SCAMP3: variants seen among roughly 807,000 people sequenced by gnomAD.
SCAMP3 encodes the protein secretory carrier-associated membrane protein 3.
In SCAMP3, 30 loss-of-function variants were observed where a neutral mutation model predicts 44.1. The ratio of observed to expected loss-of-function variants is 0.68; its 90% CI spans 0.51 to 0.92. SCAMP3 has a LOEUF of 0.92. Ranked by LOEUF, SCAMP3 falls within the 40% of genes least tolerant of loss-of-function variation. SCAMP3 has a pLI of 0.00. For missense variants in SCAMP3, 394 were observed against 440.0 expected (o/e 0.90, Z 0.93); for synonymous variants, 168 against 171.1 (o/e 0.98, Z 0.14).
intron 8 of SCAMP3, 57 bp downstream of exon 8, chr1:155,256,617 C>T (rs1672805541): frequency 1.1e-5 from 17 of 1,501,442 alleles, no homozygotes; most frequent in Non-Finnish European, 1.4e-5. Context: ...GTTCCACCCA[C>T]GCCCCTGGGG....
rs747700652 is a variant in SCAMP3 at position 155,256,725 on chromosome 1, G to A, written c.846C>T (p.Val282=). Residue 282 remains valine (V), a synonymous_variant, in exon 8 of 9, where the codon GTC becomes GTT. Transcript: ENST00000302631. ...NTAVSVLMLL[V]ALLFTGIAVL... Reference sequence around the variant, plus strand: ...CAGCAATGCCAGTGAAGAGCAGGGCGACCAGCAGCATGAGCACGGATACTG... The same window carrying A: ...CAGCAATGCCAGTGAAGAGCAGGGCAACCAGCAGCATGAGCACGGATACTG... 1.6e-5 allele frequency: 26 copies of A among 1,614,148 alleles called. No homozygotes were observed. Among genetic ancestry groups the A allele is most frequent in the Non-Finnish European group, 1.9e-5 (23 of 1,180,028 alleles).
intron 4 of SCAMP3, among the ~76,000 whole-genome samples, chr1:155,259,166 C>CTTT (rs1165041017): frequency 8.2e-5 from 10 of 121,668 alleles, no homozygotes; most frequent in Non-Finnish European, 1.0e-4. Context: ...CCCACCTCAG[C>CTTT]TTTTTTTTTT....
chr1:155,256,152 G>T lies in SCAMP3; in HGVS notation c.*121C>A. 2 of 1,034,596 alleles carry T rather than the reference G, an allele frequency of 1.9e-6. No individual in the cohort carries two copies. Among genetic ancestry groups the T allele is most frequent in the Non-Finnish European group, 2.8e-6 (2 of 713,676 alleles). 64.1% of individuals were successfully genotyped at this position (1,034,596 alleles called of 1,614,324 possible). On this transcript the variant is annotated 3_prime_UTR_variant, in exon 9 of 9. Transcript: ENST00000302631. ...GTCAGGTTCAGCAGTCATGGCCATA[G>T]GATTGGGAGCACTACGGAGGAGCCA... is the stretch of plus-strand genomic sequence containing the variant.
chr1:155,257,915 G>A (rs1672849369), intron 5 of SCAMP3, among the ~76,000 whole-genome samples: 1 of 152,144 alleles, frequency 6.6e-6, no homozygotes, highest in Admixed American at 6.5e-5. Flanking sequence ...CGCAATCTCA[G>A]CTTACTGCAA....
At chr1:155,259,041 CCT>C (rs1247685045) in intron 4 of SCAMP3, 87 bp from the exon 5 acceptor site, 83 of 998,452 alleles carry the variant, frequency 8.3e-5, no homozygotes, top group South Asian at 2.0e-4. Flanking sequence ...ATCCCTGGAT[CCT>C]CTCTTTTTTT....
chr1:155,257,654 C>T lies in SCAMP3; in HGVS notation c.521G>A (p.Ser174Asn). The T allele has an allele frequency of 1.3e-6, 2 of 1,556,720 alleles. No individual in the cohort carries two copies. The highest frequency in any genetic ancestry group is 1.7e-6 in the Non-Finnish European group (2 of 1,149,874). Residue 174 changes from serine (S) to asparagine (N), a missense_variant, in exon 6 of 9, where the codon AGC becomes AAC. Transcript: ENST00000302631. ...GAAGTTCAGGAGAAGAGCCAGCGTG[C>T]TGCCTAAGGGGCAGAGGGACAGGAT... ...VSTMYYLWMC[S>N]TLALLLNFLA... is the part of the protein sequence containing the mutation.
chr1:155,256,517 C>A, intron 8 of SCAMP3, 98 bp from the exon 9 acceptor site: 1 of 1,399,094 alleles, frequency 7.1e-7, no homozygotes, highest in Admixed American at 1.8e-5. Context: ...TGCTGCCCAG[C>A]ACACACACTC....
At chr1:155,257,967 C>T (rs1439318645) in intron 5 of SCAMP3, among the ~76,000 whole-genome samples, 3 of 151,740 alleles carry the variant, frequency 2.0e-5, no homozygotes, top group Admixed American at 6.6e-5. Context: ...GCCTCAGCCT[C>T]CAGAGTAGCT....
Position 155,262,330 on chromosome 1 carries a change from C to A in SCAMP3, c.-179G>T. The A allele has an allele frequency of 1.6e-6, 1 of 608,226 alleles. No individual in the cohort carries two copies. Among genetic ancestry groups the A allele is most frequent in the South Asian group, 2.0e-5 (1 of 49,302 alleles). 37.7% of individuals were successfully genotyped at this position (608,226 alleles called of 1,614,324 possible). ...TCCCCGCAGCAGCCGTGGGTTGCGC[C>A]TGCGTCTTGTCCAAAAGCTAAGACG... On this transcript the variant is annotated 5_prime_UTR_variant, in exon 1 of 9. In the 5' UTR this introduces an upstream ATG that the reference lacks. Coordinates refer to ENST00000302631, the MANE Select transcript of SCAMP3 (RefSeq NM_005698.4).
rs761504839 is a variant in SCAMP3, at chr1:155,261,705, G to A, written c.96C>T (p.Ser32=). The A allele has an allele frequency of 6.2e-7, 1 of 1,614,070 alleles. No homozygotes were observed. The highest frequency in any genetic ancestry group is 8.5e-7 in the Non-Finnish European group (1 of 1,180,038). Reference sequence around the variant, plus strand: ...AGACGTCAAGCGTGGCATACTGCCGGCTGGGTCGGTGCTGGATCACAGCTG... The same window carrying A: ...AGACGTCAAGCGTGGCATACTGCCGACTGGGTCGGTGCTGGATCACAGCTG... ...QDPAVIQHRP[S]RQYATLDVYN... The change falls in exon 2 of 9, where the codon AGC becomes AGT. Residue 32 remains serine, a synonymous_variant. Transcript: ENST00000302631.
chr1:155,261,552 C>A (rs778773596), intron 2 of SCAMP3, 105 bp downstream of exon 2: 2 of 985,532 alleles, frequency 2.0e-6, no homozygotes, highest in South Asian at 1.3e-5. Flanking sequence ...GATCACAGTG[C>A]CTCTTCCTTC....
chr1:155,260,874 A>G, intron 2 of SCAMP3, among the ~76,000 whole-genome samples: 1 of 150,782 alleles, frequency 6.6e-6, no homozygotes. Context: ...CTTAGTGAGG[A>G]CTCAAATCAC....
chr1:155,260,727 T>C, intron 2 of SCAMP3, 68 bp from the exon 3 acceptor site: 3 of 1,400,174 alleles, frequency 2.1e-6, no homozygotes, highest in Non-Finnish European at 2.9e-6. Flanking sequence ...TCTGCTTGAA[T>C]ACCTTTAGAC....
intron 8 of SCAMP3, 84 bp downstream of exon 8, chr1:155,256,590 G>A (rs1318126964): frequency 1.4e-6 from 2 of 1,394,692 alleles, no homozygotes; most frequent in Non-Finnish European, 2.0e-6. Flanking sequence ...CCTGACCTGT[G>A]CCAGTTGCTC....
chr1:155,258,678 C>T, intron 5 of SCAMP3, 148 bp downstream of exon 5: 2 of 711,186 alleles, frequency 2.8e-6, no homozygotes, highest in Non-Finnish European at 4.8e-6. Context: ...TGCATATGGA[C>T]AATAAAAAGT....
At chr1:155,261,919 G>A in intron 1 of SCAMP3, 167 bp downstream of exon 1, 1 of 807,676 alleles carries the variant, frequency 1.2e-6, no homozygotes, top group Non-Finnish European at 2.0e-6. Context: ...CCATTAAGGG[G>A]CAGGGCCCGC....
At position 155,262,063 on chromosome 1, in the gene SCAMP3, A is replaced by T. The variant is rs368450075; in HGVS notation, c.66+23T>A. 1.6e-4 allele frequency: 253 copies of T among 1,612,240 alleles called. 1 individual carries two copies. The highest frequency in any genetic ancestry group is 3.6e-4 in the South Asian group (33 of 90,974). ...GGAAGAATCAACCTGACCGCCCAAA[A>T]GAGGCCGACTGGCGCAAGTCACCTG... is the stretch of plus-strand genomic sequence containing the variant. On this transcript the variant is annotated intron_variant, in intron 1 of 8. Coordinates refer to ENST00000302631, the MANE Select transcript of SCAMP3 (RefSeq NM_005698.4).
At position 155,262,228 on chromosome 1, in the gene SCAMP3, A is replaced by G. The variant is rs1672988145; in HGVS notation, c.-77T>C. On this transcript the variant is annotated 5_prime_UTR_variant, in exon 1 of 9. Transcript: ENST00000302631. ...CAGTGGCGGTAGCGGTAGCCCTCAG[A>G]GTCCACTTCACTCGCCTCAGTTCGC... 2.9e-6 allele frequency: 4 copies of G among 1,357,706 alleles called. No individual in the cohort carries two copies. In the East Asian group the frequency reaches 7.0e-5, roughly 24 times the overall value. The allele number at this position is 1,357,706 out of a possible 1,614,324, so 84.1% of individuals were successfully genotyped here. A position where few individuals can be genotyped will look rare whatever the true frequency, so the allele number is the denominator to read the frequency against.
intron 2 of SCAMP3, among the ~76,000 whole-genome samples, chr1:155,260,985 T>C (rs761292329): frequency 5.3e-5 from 8 of 151,806 alleles, no homozygotes; most frequent in Non-Finnish European, 8.8e-5. Context: ...TGGAGTGCAG[T>C]GGTGCAATCA....
Sources: gnomAD v4.1 joint callset for allele counts (sites outside exome capture counted in the v4.1 genomes callset) on GRCh38, gnomAD v4.1.1 for gene constraint, MANE v1.5 for transcripts, NCBI Gene and HGNC (gene_info 2026-07-23, HGNC 2026-07-21) for gene names.